ACSL1: variants seen among roughly 807,000 people sequenced by gnomAD.
ACSL1 encodes acyl-CoA synthetase long chain family member 1, also known as long-chain-fatty-acid--CoA ligase 1.
Under a neutral mutation model 98.4 loss-of-function variants are expected in ACSL1, and 41 were observed. The observed-to-expected ratio is 0.42, with a 90% CI of 0.32 to 0.54. ACSL1 has a LOEUF of 0.54. Ranked by LOEUF, ACSL1 falls within the 20% of genes least tolerant of loss-of-function variation. The pLI is 0.13. For missense variants in ACSL1, 734 were observed against 883.1 expected, an observed-to-expected ratio of 0.83 and a Z score of 2.14; for synonymous variants, 316 against 322.7, an observed-to-expected ratio of 0.98 and a Z score of 0.22.
chr4:184,783,982 G>C lies in ACSL1; in HGVS notation c.320C>G (p.Pro107Arg). Residue 107 changes from proline (P) to arginine (R), a missense_variant, in exon 4 of 21, where the codon CCT (proline) becomes CGT (arginine). Coordinates refer to ENST00000281455, the MANE Select transcript of ACSL1 (RefSeq NM_001995.5). ...QRGIQVSNNG[P>R]CLGSRKPDQP... ...GTCTGGTTTCCGAGAGCCTAAACAAGGGCCATTATCTAAAAAAAGAGAAAA... is the reference window on the plus strand; with the variant it reads ...GTCTGGTTTCCGAGAGCCTAAACAACGGCCATTATCTAAAAAAAGAGAAAA... The C allele has an allele frequency of 1.2e-6, 2 of 1,613,234 alleles. No individual in the cohort carries two copies. Among genetic ancestry groups the C allele is most frequent in the African/African-American group, 1.3e-5 (1 of 74,950 alleles).
chr4:184,797,274 G>A (rs1005835733), intron 2 of ACSL1, among the ~76,000 whole-genome samples: 1 of 152,218 alleles, frequency 6.6e-6, no homozygotes, highest in Non-Finnish European at 1.5e-5. Context: ...CAAGTCTGGT[G>A]TGAGTCTTCA....
intron 2 of ACSL1, 107 bp from the exon 3 acceptor site, chr4:184,788,838 A>T: frequency 1.2e-6 from 1 of 813,594 alleles, no homozygotes; most frequent in Non-Finnish European, 2.0e-6. Context: ...CATTCTTGTC[A>T]CTTATCTGTA....
intron 18 of ACSL1, chr4:184,758,843 A>C (rs1762472775): frequency 6.6e-6 from 1 of 151,720 alleles, no homozygotes; most frequent in East Asian, 1.9e-4. Flanking sequence ...GGTGTGCTGC[A>C]CCTGTTAACT....
Position 184,802,718 on chromosome 4 carries a change from G to C in ACSL1, c.195+602C>G, listed in dbSNP as rs574808737. Among the ~76,000 whole-genome samples, 3 of 152,290 alleles carry C rather than the reference G, an allele frequency of 2.0e-5. No homozygotes were observed. In the East Asian group the frequency reaches 5.8e-4, roughly 29 times the overall value. On this transcript the variant is annotated intron_variant, in intron 2 of 20. Coordinates refer to ENST00000281455, the MANE Select transcript of ACSL1 (RefSeq NM_001995.5). ...CCAGTTTCATTTTCCTAACATGAGA[G>C]CACAGCCTCCAGTTTGCCCAAGTCA...
At chr4:184,780,242 A>G in intron 5 of ACSL1, 90 bp downstream of exon 5, 2 of 1,086,818 alleles carry the variant, frequency 1.8e-6, no homozygotes, top group East Asian at 4.8e-5. Flanking sequence ...AGTAGAAATC[A>G]GACTACAAAA....
chr4:184,757,201 A>G lies in ACSL1; in HGVS notation c.2021T>C (p.Met674Thr), dbSNP rs771807194. Residue 674 changes from methionine (M) to threonine (T), a missense_variant, in exon 21 of 21, where the codon ATG becomes ACG. Physicochemically the swap from Met to Thr is moderately conservative, Grantham distance 81 (BLOSUM62 -1). Coordinates refer to ENST00000281455, the MANE Select transcript of ACSL1 (RefSeq NM_001995.5). This position sits in a 1 kb window ranked among gnomAD's most constrained non-coding sequence, Gnocchi z 4.5. Reference sequence around the variant, plus strand: ...CCGCAGCTCTGGCCTTTTCGCCTTCATTGTTGGAGTCAGAAGGCCATTGTC... The same window carrying G: ...CCGCAGCTCTGGCCTTTTCGCCTTCGTTGTTGGAGTCAGAAGGCCATTGTC... ...SIDNGLLTPTMKAKRPELRNY... is the reference protein window; with the variant it reads ...SIDNGLLTPTTKAKRPELRNY... 21 of 1,610,572 alleles carry G rather than the reference A, an allele frequency of 1.3e-5. No individual in the cohort carries two copies. Among genetic ancestry groups the G allele is most frequent in the East Asian group, 8.9e-5 (4 of 44,776 alleles).
At chr4:184,763,391 T>C (rs898000758) in intron 15 of ACSL1, 136 bp from the exon 16 acceptor site, 10 of 759,142 alleles carry the variant, frequency 1.3e-5, no homozygotes, top group African/African-American at 3.6e-5. Context: ...ATTACAGCCA[T>C]TCTCTTCCTA....
At position 184,766,424 on chromosome 4, in the gene ACSL1, G is replaced by A. The variant is rs774525097; in HGVS notation, c.1263+198C>T. Among the ~76,000 whole-genome samples, 7 of 152,150 alleles carry A rather than the reference G, an allele frequency of 4.6e-5. No homozygotes were observed. The highest frequency in any genetic ancestry group is 8.8e-5 in the Non-Finnish European group (6 of 68,024). The stretch of plus-strand genomic sequence containing the variant: ...ACCCTGACTCCTTTTCCCCCTAGAT[G>A]GCTGCAATACTATTGATCTTAGAAA... On this transcript the variant is annotated intron_variant, in intron 13 of 20. Coordinates refer to ENST00000281455, the MANE Select transcript of ACSL1 (RefSeq NM_001995.5). This position sits in a 1 kb window ranked among gnomAD's most constrained non-coding sequence, Gnocchi z 4.8.
chr4:184,788,118 C>T (rs544022505), intron 3 of ACSL1, among the ~76,000 whole-genome samples: 7 of 152,144 alleles, frequency 4.6e-5, no homozygotes, highest in African/African-American at 1.7e-4. Context: ...CTGGGAGGGA[C>T]AGAGGCTGGA....
Position 184,805,351 on chromosome 4 carries a change from CTCAT to C in ACSL1, c.-32-1809_-32-1806del, listed in dbSNP as rs1423682501. 4 of 403,456 alleles carry C rather than the reference CTCAT, an allele frequency of 9.9e-6. No individual in the cohort carries two copies. The East Asian group carries it at 4.8e-4, about 48-fold the overall frequency. The allele number at this position is 403,456 out of a possible 1,614,324, so 25.0% of individuals were successfully genotyped here. A position where few individuals can be genotyped will look rare whatever the true frequency, so the allele number is the denominator to read the frequency against. On this transcript the variant is annotated intron_variant, in intron 1 of 20. Coordinates refer to ENST00000281455, the MANE Select transcript of ACSL1 (RefSeq NM_001995.5). Reference sequence around the variant, plus strand: ...GAACCAACATAATGTATTTGCTCTGCTCATTCAATCTCTGCTACAATGAATCCAT... The same window carrying C: ...GAACCAACATAATGTATTTGCTCTGCTCAATCTCTGCTACAATGAATCCAT...
In ACSL1 at chr4:184,757,525, C is replaced by A; in HGVS notation, c.1956+110G>T. 1 of 1,061,774 alleles carries A rather than the reference C, an allele frequency of 9.4e-7. No individual in the cohort carries two copies. The highest frequency in any genetic ancestry group is 1.4e-6 in the Non-Finnish European group (1 of 724,250). 65.8% of individuals were successfully genotyped at this position (1,061,774 alleles called of 1,614,324 possible). A position where few individuals can be genotyped will look rare whatever the true frequency, so the allele number is the denominator to read the frequency against. ...CTGTCAAACTACTCCATTATTTATT[C>A]CTCATGTATGTCTTTAGGTCACCCC... On this transcript the variant is annotated intron_variant, in intron 20 of 20. Transcript: ENST00000281455. This position sits in a 1 kb window ranked among gnomAD's most constrained non-coding sequence, Gnocchi z 4.5.
chr4:184,806,786 T>A (rs1771484038), intron 1 of ACSL1, among the ~76,000 whole-genome samples: 1 of 152,234 alleles, frequency 6.6e-6, no homozygotes, highest in African/African-American at 2.4e-5. Flanking sequence ...CCAGCCAAAT[T>A]CCTATATTTA....
intron 1 of ACSL1, chr4:184,813,557 T>C (rs1399655267): frequency 9.0e-6 from 2 of 222,584 alleles, no homozygotes; most frequent in African/African-American, 4.5e-5. Context: ...ACAGGAAGAG[T>C]CGGAATTGTG....
At chr4:184,814,660 TAAAG>T (rs1049705063) in intron 1 of ACSL1, among the ~76,000 whole-genome samples, 1 of 152,176 alleles carries the variant, frequency 6.6e-6, no homozygotes, top group African/African-American at 2.4e-5. Context: ...TTTCTCCAGA[TAAAG>T]AAGCTATAAG....
chr4:184,800,441 G>A (rs895707204), intron 2 of ACSL1, among the ~76,000 whole-genome samples: 2 of 152,184 alleles, frequency 1.3e-5, no homozygotes, highest in Non-Finnish European at 2.9e-5. Flanking sequence ...GTTTTCACTA[G>A]GGGGCCATGG....
intron 11 of ACSL1, 187 bp downstream of exon 11, chr4:184,770,211 CA>C (rs1405892462): frequency 6.7e-7 from 1 of 1,497,022 alleles, no homozygotes; most frequent in Non-Finnish European, 9.0e-7. Flanking sequence ...CGGGGCTGAG[CA>C]GAGAATTCTC....
In ACSL1 at chr4:184,773,076, G is replaced by T; in HGVS notation, c.915+5C>A. 1 of 1,613,258 alleles carries T rather than the reference G, an allele frequency of 6.2e-7. No individual in the cohort carries two copies. Among genetic ancestry groups the T allele is most frequent in the South Asian group, 1.1e-5 (1 of 91,060 alleles). ...AGGAAAGATGACGACATCCCAAAAA[G>T]TTACCTCTGTTGCTTTCACAAAAGC... On this transcript the variant is annotated splice_donor_5th_base_variant and intron_variant, in intron 10 of 20. Coordinates refer to ENST00000281455, the MANE Select transcript of ACSL1 (RefSeq NM_001995.5). This position sits in a 1 kb window ranked among gnomAD's most constrained non-coding sequence, Gnocchi z 4.3.
At chr4:184,785,156 A>C (rs901933355) in intron 3 of ACSL1, among the ~76,000 whole-genome samples, 8 of 152,230 alleles carry the variant, frequency 5.3e-5, no homozygotes, top group African/African-American at 1.7e-4. Context: ...AACCAAGACC[A>C]TATGGCACCA....
rs138305431 is a variant in ACSL1, at chr4:184,810,814, C to G, written c.-32-7268G>C. Among the ~76,000 whole-genome samples the G allele has an allele frequency of 3.9e-5, 6 of 152,306 alleles. No homozygotes were observed. The East Asian group carries it at 1.2e-3, about 29-fold the overall frequency. ...TGTTAGGAGCCACTGTGCTTAAGCA[C>G]TTGCCGTGTGTCAGGTGCTGTGCTA... On this transcript the variant is annotated intron_variant, in intron 1 of 20. Coordinates refer to ENST00000281455, the MANE Select transcript of ACSL1 (RefSeq NM_001995.5).
Sources: gnomAD v4.1 joint callset for allele counts (sites outside exome capture counted in the v4.1 genomes callset) on GRCh38, gnomAD v4.1.1 for gene constraint, Gnocchi (gnomAD v3.1) non-coding constraint, MANE v1.5 for transcripts, NCBI Gene and HGNC (gene_info 2026-07-23, HGNC 2026-07-21) for gene names.